ANO5: variants seen among roughly 807,000 people sequenced by gnomAD.
The protein encoded by ANO5 is anoctamin-5.
In ANO5, 109 loss-of-function variants were observed where a neutral mutation model predicts 121.0. The ratio of observed to expected loss-of-function variants is 0.90; its 90% CI spans 0.77 to 1.06. ANO5 has a LOEUF of 1.06. Ranked by LOEUF, ANO5 falls within the 50% of genes least tolerant of loss-of-function variation. The pLI, the probability that ANO5 is intolerant of heterozygous loss-of-function variation, is 0.00. For missense variants in ANO5, 1,064 were observed against 1,078.5 expected (o/e 0.99, Z 0.19); for synonymous variants, 406 against 359.9 (o/e 1.13, Z -1.45).
At chr11:22,198,767 G>T (rs543686491) in intron 1 of ANO5, among the ~76,000 whole-genome samples, 12 of 152,138 alleles carry the variant, frequency 7.9e-5, no homozygotes, top group South Asian at 4.2e-4. Flanking sequence ...TTAAAAAAAA[G>T]CCTCTCTAAG....
At chr11:22,277,227 C>A (rs2133803762) in intron 21 of ANO5, among the ~76,000 whole-genome samples, 1 of 151,654 alleles carries the variant, frequency 6.6e-6, no homozygotes, top group South Asian at 2.1e-4. Context: ...AAAAAACTTT[C>A]TCCTACTGCT....
At chr11:22,234,034 A>G (rs939300722) in intron 7 of ANO5, among the ~76,000 whole-genome samples, 4 of 152,142 alleles carry the variant, frequency 2.6e-5, no homozygotes, top group African/African-American at 9.7e-5. Context: ...ATTCTTAAGG[A>G]TCTTGATCCT....
chr11:22,222,276 A>G (rs143549144), intron 5 of ANO5, among the ~76,000 whole-genome samples: 126 of 151,850 alleles, frequency 8.3e-4, no homozygotes, highest in Non-Finnish European at 1.4e-3. Context: ...TTCCTCAACA[A>G]TTTTACCTCC....
intron 9 of ANO5, among the ~76,000 whole-genome samples, chr11:22,248,154 C>T (rs1472654336): frequency 6.6e-6 from 1 of 152,028 alleles, no homozygotes; most frequent in Non-Finnish European, 1.5e-5. Context: ...TTTACTATGT[C>T]TTCAACTAAA....
intron 7 of ANO5, among the ~76,000 whole-genome samples, chr11:22,233,867 CA>C (rs1853125383): frequency 6.6e-6 from 1 of 152,034 alleles, no homozygotes; most frequent in Non-Finnish European, 1.5e-5. Flanking sequence ...GAGCATCCCC[CA>C]AAAAACTGTT....
intron 5 of ANO5, among the ~76,000 whole-genome samples, chr11:22,225,762 A>G (rs913274059): frequency 2.6e-5 from 4 of 152,052 alleles, no homozygotes; most frequent in African/African-American, 9.7e-5. Flanking sequence ...GGCTCTGCAT[A>G]TTTCCTGGTG....
Position 22,280,091 on chromosome 11 carries a change from G to A in ANO5, c.*326G>A. The A allele has an allele frequency of 7.4e-6, 2 of 269,576 alleles. No homozygotes were observed. Among genetic ancestry groups the A allele is most frequent in the East Asian group, 8.9e-5 (1 of 11,196 alleles). The allele number at this position is 269,576 out of a possible 1,614,324, so 16.7% of individuals were successfully genotyped here. On this transcript the variant is annotated 3_prime_UTR_variant, in exon 22 of 22. Coordinates refer to ENST00000324559, the MANE Select transcript of ANO5 (RefSeq NM_213599.3). The stretch of plus-strand genomic sequence containing the variant: ...TAGTAAGAAACACTGGCCTTGGGCT[G>A]TCCCATCACTTTCCAGTGCATCTAT...
intron 3 of ANO5, 41 bp downstream of exon 3, chr11:22,211,355 A>T: frequency 6.3e-7 from 1 of 1,584,248 alleles, no homozygotes; most frequent in East Asian, 2.2e-5. Flanking sequence ...CATGGACACA[A>T]ATGGGGCATC....
chr11:22,279,864 C>CTTT lies in ANO5; in HGVS notation c.*111_*113dup, dbSNP rs5790246. ...AAGCCATGTGTCAATTTTACCCTTT[C>CTTT]TTTTTTTTTTTTTTCTTTTTTTTTT... is the stretch of plus-strand genomic sequence containing the variant. On this transcript the variant is annotated 3_prime_UTR_variant, in exon 22 of 22. Transcript: ENST00000324559. The CTTT allele has an allele frequency of 7.2e-5, 53 of 732,914 alleles. No homozygotes were observed. The East Asian group carries it at 1.5e-3, about 21-fold the overall frequency. The allele number at this position is 732,914 out of a possible 1,614,324, so 45.4% of individuals were successfully genotyped here.
At chr11:22,273,107 A>C in intron 19 of ANO5, 118 bp downstream of exon 19, 1 of 1,126,684 alleles carries the variant, frequency 8.9e-7, no homozygotes. Flanking sequence ...TAAAGCTAAA[A>C]CATTCCGAAA....
At chr11:22,220,688 T>C (rs1486715892) in intron 4 of ANO5, among the ~76,000 whole-genome samples, 3 of 152,000 alleles carry the variant, frequency 2.0e-5, no homozygotes, top group Admixed American at 2.0e-4. Flanking sequence ...TAAGTTTATT[T>C]TCTTATAGTG....
chr11:22,261,793 A>G (rs1198920191), intron 15 of ANO5, among the ~76,000 whole-genome samples: 1 of 152,164 alleles, frequency 6.6e-6, no homozygotes, highest in African/African-American at 2.4e-5. Flanking sequence ...TGGGAATTAC[A>G]ATTTGACATG....
At chr11:22,192,696 G>C (rs898667783), upstream of ANO5, among the ~76,000 whole-genome samples, 1 of 152,216 alleles carries the variant, frequency 6.6e-6, no homozygotes, top group Non-Finnish European at 1.5e-5. Flanking sequence ...GACCCCCTTT[G>C]GGGATCGGAG....
At chr11:22,212,272 G>A (rs1222808901) in intron 3 of ANO5, among the ~76,000 whole-genome samples, 1 of 142,018 alleles carries the variant, frequency 7.0e-6, no homozygotes, top group Non-Finnish European at 1.5e-5. Flanking sequence ...TTAGCTTGAA[G>A]GTAAATCTGT....
chr11:22,274,288 A>G (rs1229287802), intron 19 of ANO5, among the ~76,000 whole-genome samples: 1 of 152,094 alleles, frequency 6.6e-6, no homozygotes, highest in Non-Finnish European at 1.5e-5. Context: ...TAAGAAATAG[A>G]AAGCCTTGAT....
intron 5 of ANO5, 35 bp downstream of exon 5, chr11:22,221,245 A>C: frequency 6.7e-7 from 1 of 1,493,616 alleles, no homozygotes. Context: ...GAATAATAAA[A>C]AGAAGCACAT....
At position 22,216,418 on chromosome 11, in the gene ANO5, G is replaced by C. The variant is rs1852445449; in HGVS notation, c.139-1828G>C. 2.0e-5 allele frequency among the ~76,000 whole-genome samples: 3 copies of C among 151,842 alleles called. No individual in the cohort carries two copies. In the South Asian group the frequency reaches 6.2e-4, roughly 32 times the overall value. ...TAGTGGATAGGTAGTAGTATCTTGTGATTTCAATTCTCATTTCTTTTTTAA... is the reference window on the plus strand; with the variant it reads ...TAGTGGATAGGTAGTAGTATCTTGTCATTTCAATTCTCATTTCTTTTTTAA... On this transcript the variant is annotated intron_variant, in intron 3 of 21. Transcript: ENST00000324559.
chr11:22,198,287 A>G (rs1851868231), intron 1 of ANO5, among the ~76,000 whole-genome samples: 1 of 152,204 alleles, frequency 6.6e-6, no homozygotes, highest in South Asian at 2.1e-4. Context: ...GTGGGAGGCC[A>G]ATCCAGGGGA....
intron 7 of ANO5, among the ~76,000 whole-genome samples, chr11:22,229,913 G>T (rs181905517): frequency 6.6e-6 from 1 of 151,942 alleles, no homozygotes; most frequent in African/African-American, 2.4e-5. Flanking sequence ...TGTTTCAATG[G>T]ATATACAAAC....
Sources: gnomAD v4.1 joint callset for allele counts (sites outside exome capture counted in the v4.1 genomes callset) on GRCh38, gnomAD v4.1.1 for gene constraint, MANE v1.5 for transcripts, NCBI Gene and HGNC (gene_info 2026-07-23, HGNC 2026-07-21) for gene names.